The following RALYL variants were observed in gnomAD, a reference collection of about 807,000 sequenced individuals.
The protein encoded by RALYL is RNA-binding Raly-like protein.
A neutral mutation model predicts 35.1 loss-of-function variants in RALYL; 29 were observed. That is an observed-to-expected ratio of 0.83 (90% CI 0.61 to 1.13). RALYL has a LOEUF of 1.13. Ranked by LOEUF, RALYL falls within the 50% of genes most tolerant of loss-of-function variation. RALYL has a pLI of 0.00. For synonymous variants in RALYL, 120 were observed against 127.6 expected, an observed-to-expected ratio of 0.94 and a Z score of 0.40; for missense variants, 359 against 360.4, an observed-to-expected ratio of 1.00 and a Z score of 0.03.
chr8:84,290,961 T>C (rs556924930), intron 1 of RALYL, among the ~76,000 whole-genome samples: 13 of 98,398 alleles, frequency 1.3e-4, no homozygotes, highest in South Asian at 1.3e-3. Flanking sequence ...ACTTTTGATA[T>C]CTTTCAGATC....
chr8:84,844,352 A>T (rs1834120711), intron 4 of RALYL, among the ~76,000 whole-genome samples: 1 of 152,250 alleles, frequency 6.6e-6, no homozygotes, highest in African/African-American at 2.4e-5. Context: ...TATGCATCCA[A>T]AAAACACATG....
intron 1 of RALYL, among the ~76,000 whole-genome samples, chr8:84,441,372 A>C (rs558559636): frequency 8.5e-5 from 13 of 152,210 alleles, no homozygotes; most frequent in Admixed American, 7.2e-4. Context: ...TGGCCTCGGA[A>C]TATATTGGAG....
At chr8:84,243,895 C>T (rs574595829) in intron 1 of RALYL, among the ~76,000 whole-genome samples, 1 of 152,246 alleles carries the variant, frequency 6.6e-6, no homozygotes, top group African/African-American at 2.4e-5. Context: ...GACATGCACC[C>T]TCTCTTTGGC....
At chr8:84,209,403 C>T (rs111390354) in intron 1 of RALYL, among the ~76,000 whole-genome samples, 3 of 152,244 alleles carry the variant, frequency 2.0e-5, no homozygotes, top group African/African-American at 4.8e-5. Context: ...CATATCTAGA[C>T]TCAGATACTA....
At chr8:84,734,258 G>A (rs1232272391) in intron 2 of RALYL, among the ~76,000 whole-genome samples, 1 of 152,028 alleles carries the variant, frequency 6.6e-6, no homozygotes, top group African/African-American at 2.4e-5. Context: ...ATTTAATAAA[G>A]GGGATGGTTT....
In RALYL at chr8:84,529,541, G is replaced by A; in HGVS notation, c.220G>A (p.Gly74Arg). 6.2e-7 allele frequency: 1 copy of A among 1,610,664 alleles called. No individual in the cohort carries two copies. Among genetic ancestry groups the A allele is most frequent in the Non-Finnish European group, 8.5e-7 (1 of 1,177,090 alleles). Reference protein sequence around the residue: ...SERHARAAVAGENARVIAGQP... With the variant: ...SERHARAAVARENARVIAGQP... The stretch of plus-strand genomic sequence containing the variant: ...GCGACATGCAAGAGCTGCAGTGGCT[G>A]GAGAAAATGCCAGAGTCATCGCCGG... The change falls in exon 2 of 9, where the codon GGA becomes AGA. Residue 74 changes from glycine to arginine, a missense_variant. Gly to Arg is a moderately radical substitution (Grantham distance 125, BLOSUM62 -2). Transcript: ENST00000521268.
At chr8:84,540,568 T>C (rs1314659289) in intron 2 of RALYL, among the ~76,000 whole-genome samples, 1 of 151,886 alleles carries the variant, frequency 6.6e-6, no homozygotes, top group East Asian at 1.9e-4. Flanking sequence ...AAAAAAAGTG[T>C]TGTCTTGTGT....
Position 84,780,727 on chromosome 8 carries a change from T to C in RALYL, c.332+6073T>C, listed in dbSNP as rs993676152. The stretch of plus-strand genomic sequence containing the variant: ...GCATAAAGGAAGATATAAAATTTCC[T>C]AAAAGGTAATGTATTTAAGGAGCCT... On this transcript the variant is annotated intron_variant, in intron 3 of 8. Transcript: ENST00000521268. Among the ~76,000 whole-genome samples, 5 of 152,226 alleles carry C rather than the reference T, an allele frequency of 3.3e-5. No individual in the cohort carries two copies. In the East Asian group the frequency reaches 9.6e-4, roughly 29 times the overall value.
intron 1 of RALYL, among the ~76,000 whole-genome samples, chr8:84,523,211 G>A (rs2058601082): frequency 6.6e-6 from 1 of 151,894 alleles, no homozygotes; most frequent in African/African-American, 2.4e-5. Flanking sequence ...AATCATGGCG[G>A]AAGGTGAATG....
intron 4 of RALYL, among the ~76,000 whole-genome samples, chr8:84,823,993 G>A (rs1829084857): frequency 1.3e-5 from 2 of 151,904 alleles, no homozygotes; most frequent in Middle Eastern, 3.2e-3. Context: ...ATTCAACAAG[G>A]TACTAGAAAT....
In RALYL at chr8:84,642,850, C is replaced by T. The variant is rs1220732078; in HGVS notation, c.256+113273C>T. ...GCCACCTCAAGGTTCAGGGTCAGTACCCCCCACCATCCTACTTTATCTCCT... is the reference window on the plus strand; with the variant it reads ...GCCACCTCAAGGTTCAGGGTCAGTATCCCCCACCATCCTACTTTATCTCCT... On this transcript the variant is annotated intron_variant, in intron 2 of 8. Transcript: ENST00000521268. Among the ~76,000 whole-genome samples the T allele has an allele frequency of 2.0e-5, 3 of 152,094 alleles. No individual in the cohort carries two copies. In the East Asian group the frequency reaches 5.9e-4, roughly 30 times the overall value.
At chr8:84,683,634 C>T (rs7836966) in intron 2 of RALYL, among the ~76,000 whole-genome samples, 7 of 151,958 alleles carry the variant, frequency 4.6e-5, no homozygotes, top group Non-Finnish European at 1.0e-4. Context: ...TGAGATTAGA[C>T]GCTTTTGTGT....
intron 1 of RALYL, among the ~76,000 whole-genome samples, chr8:84,439,719 A>G (rs1563934125): frequency 6.6e-6 from 1 of 152,070 alleles, no homozygotes; most frequent in Non-Finnish European, 1.5e-5. Context: ...TAGTAATTAA[A>G]ACACAGTTCA....
chr8:84,810,142 G>T (rs1586453469), intron 4 of RALYL, among the ~76,000 whole-genome samples: 1 of 152,118 alleles, frequency 6.6e-6, no homozygotes, highest in South Asian at 2.1e-4. Context: ...TTTCCTCTTA[G>T]CACCACCTTT....
chr8:84,485,461 T>A (rs1471442277), intron 1 of RALYL, among the ~76,000 whole-genome samples: 1 of 151,988 alleles, frequency 6.6e-6, no homozygotes, highest in Admixed American at 6.6e-5. Context: ...ACGCCTGCAA[T>A]CTCAAATACT....
At chr8:84,433,500 T>C (rs968971140) in intron 1 of RALYL, among the ~76,000 whole-genome samples, 5 of 152,084 alleles carry the variant, frequency 3.3e-5, no homozygotes, top group Non-Finnish European at 5.9e-5. Context: ...ATCCAAGAAT[T>C]CCCACATGTT....
chr8:84,288,649 C>G (rs1025924971), intron 1 of RALYL, among the ~76,000 whole-genome samples: 1 of 151,904 alleles, frequency 6.6e-6, no homozygotes, highest in Non-Finnish European at 1.5e-5. Flanking sequence ...AGATGTTAAC[C>G]CCATGAATGA....
At chr8:84,287,701 T>C (rs1394293416) in intron 1 of RALYL, among the ~76,000 whole-genome samples, 1 of 152,138 alleles carries the variant, frequency 6.6e-6, no homozygotes. Flanking sequence ...AGTAAGATGA[T>C]GATAGAAATA....
At chr8:84,900,679 TAAAA>T (rs757291686) in intron 8 of RALYL, among the ~76,000 whole-genome samples, 1 of 144,492 alleles carries the variant, frequency 6.9e-6, no homozygotes, top group South Asian at 2.2e-4. Flanking sequence ...AAGTTTGTCT[TAAAA>T]AAAAAAAAAT....
Sources: gnomAD v4.1 joint callset for allele counts (sites outside exome capture counted in the v4.1 genomes callset) on GRCh38, gnomAD v4.1.1 for gene constraint, MANE v1.5 for transcripts, NCBI Gene and HGNC (gene_info 2026-07-23, HGNC 2026-07-21) for gene names.